RIMS3: variants seen among roughly 807,000 people sequenced by gnomAD.
RIMS3 encodes the protein regulating synaptic membrane exocytosis 3.
Under a neutral mutation model 29.2 loss-of-function variants are expected in RIMS3, and 15 were observed. The observed-to-expected ratio is 0.51, with a 90% confidence interval of 0.34 to 0.79. The LOEUF (loss-of-function observed/expected upper bound fraction) is 0.79, where lower values mean the gene tolerates loss of function less well. Among genes scored for constraint, RIMS3 ranks in the 30% least tolerant of loss-of-function variants. The pLI, the probability that RIMS3 is intolerant of heterozygous loss-of-function variation, is 0.01. For synonymous variants in RIMS3, 161 were observed against 170.1 expected (o/e 0.95, Z 0.41); for missense variants, 342 against 421.4 (o/e 0.81, Z 1.65).
At chr1:40,686,915 G>A in the RIMS3 span, among the ~76,000 whole-genome samples, 2 of 150,612 alleles carry the variant, frequency 1.3e-5, no homozygotes, top group Non-Finnish European at 2.9e-5. Context: ...TTTAATCATA[G>A]TTTTGATCAT....
chr1:40,629,180 G>T, intron 6 of RIMS3, 91 bp downstream of exon 6: 2 of 1,228,534 alleles, frequency 1.6e-6, no homozygotes, highest in Non-Finnish European at 2.4e-6. Flanking sequence ...AAAGAATCCC[G>T]ATTTAGGCCA....
chr1:40,660,838 G>A (rs1359294473), intron 1 of RIMS3, among the ~76,000 whole-genome samples: 142 of 152,186 alleles, frequency 9.3e-4, no homozygotes, highest in East Asian at 1.9e-4. Flanking sequence ...AGGACCTAGG[G>A]GCAGAGTGAC....
chr1:40,678,411 C>G, the RIMS3 span, among the ~76,000 whole-genome samples: 2 of 151,964 alleles, frequency 1.3e-5, no homozygotes, highest in African/African-American at 4.8e-5. Flanking sequence ...CCATCTCAAA[C>G]AAACAAACAA....
intron 1 of RIMS3, among the ~76,000 whole-genome samples, chr1:40,659,456 G>A (rs1460164778): frequency 6.6e-6 from 1 of 152,148 alleles, no homozygotes. Context: ...AGAAAGGGCT[G>A]GAAAAGGCAG....
At chr1:40,672,419 C>T in the RIMS3 span, among the ~76,000 whole-genome samples, 2 of 151,518 alleles carry the variant, frequency 1.3e-5, no homozygotes, top group Admixed American at 6.6e-5. Flanking sequence ...AAGATGGTCT[C>T]GATCTCCTGA....
the RIMS3 span, among the ~76,000 whole-genome samples, chr1:40,678,018 G>A: frequency 6.6e-6 from 1 of 152,168 alleles, no homozygotes; most frequent in Non-Finnish European, 1.5e-5. Context: ...AATTCTGTTG[G>A]AAAACACTGT....
intron 1 of RIMS3, among the ~76,000 whole-genome samples, chr1:40,652,345 C>T (rs1642180231): frequency 6.6e-6 from 1 of 152,244 alleles, no homozygotes; most frequent in Non-Finnish European, 1.5e-5. Flanking sequence ...GCCTGAGACT[C>T]TGCATTTCTA....
the RIMS3 span, among the ~76,000 whole-genome samples, chr1:40,679,814 T>C: frequency 6.6e-6 from 1 of 151,976 alleles, no homozygotes. Context: ...ATGCAGGCCC[T>C]GGGAGCTGTT....
At chr1:40,680,658 G>T in the RIMS3 span, among the ~76,000 whole-genome samples, 1 of 152,076 alleles carries the variant, frequency 6.6e-6, no homozygotes, top group East Asian at 1.9e-4. Context: ...ACTGTAGCCA[G>T]TACACATGTC....
At position 40,647,207 on chromosome 1, in the gene RIMS3, C is replaced by T. The variant is rs546576094; in HGVS notation, c.-32+461G>A. 6.6e-5 allele frequency among the ~76,000 whole-genome samples: 10 copies of T among 152,136 alleles called. 1 individual carries two copies. The highest frequency in any genetic ancestry group is 2.2e-4 in the African/African-American group (9 of 41,524). ...ATGAGAATTTTTGGTAGTTCAAGGC[C>T]GCACAAAAGCTCAAGATGAACCTAG... On this transcript the variant is annotated intron_variant, in intron 2 of 7. Transcript: ENST00000372684.
intron 1 of RIMS3, among the ~76,000 whole-genome samples, chr1:40,657,549 C>G (rs1469669703): frequency 6.6e-6 from 1 of 151,890 alleles, no homozygotes; most frequent in Non-Finnish European, 1.5e-5. Context: ...AGTTGGAGAC[C>G]AATCTGGGCA....
chr1:40,641,680 C>G (rs770047631), intron 3 of RIMS3, 29 bp downstream of exon 3: 6 of 1,609,962 alleles, frequency 3.7e-6, no homozygotes, highest in African/African-American at 1.3e-5. Flanking sequence ...TCCCCCACCT[C>G]TACCCCGTGA....
intron 2 of RIMS3, among the ~76,000 whole-genome samples, chr1:40,646,939 G>A (rs1232256451): frequency 6.6e-6 from 1 of 151,286 alleles, no homozygotes; most frequent in East Asian, 1.9e-4. Context: ...AGAGTGCAGT[G>A]GTGCGATCTC....
upstream of RIMS3, among the ~76,000 whole-genome samples, chr1:40,669,921 C>T (rs1642470602): frequency 2.6e-5 from 4 of 152,252 alleles, no homozygotes; most frequent in South Asian, 8.3e-4. Flanking sequence ...CTTCCTCTTC[C>T]TCACTTCTAT....
intron 7 of RIMS3, among the ~76,000 whole-genome samples, chr1:40,627,239 G>T (rs978838477): frequency 6.6e-6 from 1 of 152,134 alleles, no homozygotes; most frequent in African/African-American, 2.4e-5. Flanking sequence ...ACCACTGGGA[G>T]ATTTTTTGAG....
At chr1:40,679,782 T>C in the RIMS3 span, among the ~76,000 whole-genome samples, 2 of 152,102 alleles carry the variant, frequency 1.3e-5, no homozygotes, top group Non-Finnish European at 2.9e-5. Context: ...CCCTCTTACT[T>C]ACTAATCACA....
At chr1:40,643,280 C>T (rs895567891) in intron 2 of RIMS3, among the ~76,000 whole-genome samples, 6 of 151,988 alleles carry the variant, frequency 3.9e-5, no homozygotes, top group South Asian at 4.2e-4. Context: ...TACAGGCGCC[C>T]GCCACCAAGC....
In RIMS3 at chr1:40,636,887, T is replaced by G. The variant is rs555236989; in HGVS notation, c.218-830A>C. Reference sequence around the variant, plus strand: ...GCACACCATCCTGCCTGGGTTTCCATGGCAACCTCCTCGGCATTGCAGTGT... The same window carrying G: ...GCACACCATCCTGCCTGGGTTTCCAGGGCAACCTCCTCGGCATTGCAGTGT... On this transcript the variant is annotated intron_variant, in intron 3 of 7. Coordinates refer to ENST00000372684, the MANE Select transcript of RIMS3 (RefSeq NM_014747.3). This position sits in a 1 kb window ranked among gnomAD's most constrained non-coding sequence, Gnocchi z 4.2. Among the ~76,000 whole-genome samples the G allele has an allele frequency of 6.6e-6, 1 of 152,310 alleles. No homozygotes were observed. Among genetic ancestry groups the G allele is most frequent in the African/African-American group, 2.4e-5 (1 of 41,576 alleles).
In RIMS3 at chr1:40,623,506, C is replaced by A. The variant is rs1175635608; in HGVS notation, c.*3011G>T. On this transcript the variant is annotated 3_prime_UTR_variant, in exon 8 of 8. Coordinates refer to ENST00000372684, the MANE Select transcript of RIMS3 (RefSeq NM_014747.3). The stretch of plus-strand genomic sequence containing the variant: ...TCTGCCATATGCACAGTGAACCTCG[C>A]CTGACCAGAGGAGGTGGAATGACAA... 7.5e-6 allele frequency: 3 copies of A among 398,546 alleles called. No individual in the cohort carries two copies. The highest frequency in any genetic ancestry group is 6.2e-5 in the African/African-American group (3 of 48,618). The allele number at this position is 398,546 out of a possible 1,614,324, so 24.7% of individuals were successfully genotyped here.
Sources: gnomAD v4.1 joint callset for allele counts (sites outside exome capture counted in the v4.1 genomes callset) on GRCh38, gnomAD v4.1.1 for gene constraint, Gnocchi (gnomAD v3.1) non-coding constraint, MANE v1.5 for transcripts, NCBI Gene and HGNC (gene_info 2026-07-23, HGNC 2026-07-21) for gene names.